The following SMG1 variants were observed in gnomAD, a reference collection of about 807,000 sequenced individuals.
SMG1 encodes serine/threonine-protein kinase SMG1.
In SMG1, 22 loss-of-function variants were observed where a neutral mutation model predicts 419.9. The ratio of observed to expected loss-of-function variants is 0.05; its 90% CI spans 0.04 to 0.07. The LOEUF (loss-of-function observed/expected upper bound fraction) is 0.07. Ranked by LOEUF, SMG1 falls within the 10% of genes least tolerant of loss-of-function variation. SMG1 has a pLI of 1.00. For missense variants in SMG1, 3,185 were observed against 4,342.0 expected, an observed-to-expected ratio of 0.73 and a Z score of 7.49; for synonymous variants, 1,538 against 1,553.5, an observed-to-expected ratio of 0.99 and a Z score of 0.23.
chr16:18,820,569 G>C (rs1318875220), intron 55 of SMG1, among the ~76,000 whole-genome samples: 1 of 152,108 alleles, frequency 6.6e-6, no homozygotes, highest in Non-Finnish European at 1.5e-5. Context: ...ATGTAACAAA[G>C]TTATTTGATT....
chr16:18,864,252 A>C, intron 23 of SMG1, 108 bp from the exon 24 acceptor site: 1 of 978,990 alleles, frequency 1.0e-6, no homozygotes, highest in Non-Finnish European at 1.4e-6. Context: ...CTGGAGTGCA[A>C]TGGCACTGTC....
intron 6 of SMG1, among the ~76,000 whole-genome samples, chr16:18,888,757 C>A (rs909870885): frequency 2.0e-5 from 3 of 151,586 alleles, no homozygotes; most frequent in African/African-American, 7.3e-5. Context: ...TATAGGCCAC[C>A]ACGCTTGGCT....
chr16:18,907,873 A>C (rs2037632824), intron 1 of SMG1, among the ~76,000 whole-genome samples: 2 of 141,582 alleles, frequency 1.4e-5, no homozygotes, highest in African/African-American at 5.2e-5. Context: ...AAAAAAAGAG[A>C]CCCTACTTCA....
Position 18,926,156 on chromosome 16 carries a change from A to AAGG in SMG1, c.-118_-116dup, listed in dbSNP as rs367683864. The AAGG allele has an allele frequency of 0.061, 40,924 of 674,538 alleles. 1,184 individuals carry two copies. The highest frequency in any genetic ancestry group is 0.15 in the African/African-American group (7,603 of 51,504). 41.8% of individuals were successfully genotyped at this position (674,538 alleles called of 1,614,324 possible). On this transcript the variant is annotated 5_prime_UTR_variant, in exon 1 of 63. Coordinates refer to ENST00000446231, the MANE Select transcript of SMG1 (RefSeq NM_015092.5). ...GCCCGGGGCTGAGGAGGAAGCCGAG[A>AAGG]AGGAGGAGGAGGAGGAGGAGGAGGA... is the stretch of plus-strand genomic sequence containing the variant.
At chr16:18,907,219 T>C (rs1352536245) in intron 1 of SMG1, among the ~76,000 whole-genome samples, 2 of 151,530 alleles carry the variant, frequency 1.3e-5, no homozygotes, top group African/African-American at 2.4e-5. Flanking sequence ...GAGGCGGAGG[T>C]TGCAGTGAGC....
Position 18,832,399 on chromosome 16 carries a change from T to C in SMG1, c.8792+541A>G, listed in dbSNP as rs868386420. Among the ~76,000 whole-genome samples, 37 of 152,286 alleles carry C rather than the reference T, an allele frequency of 2.4e-4. No homozygotes were observed. The Middle Eastern group carries it at 0.01, about 42-fold the overall frequency. Reference sequence around the variant, plus strand: ...TAAAACAAACTTACAATATTTAAACTAATTTAAAAGTATTCACCTGAAATG... The same window carrying C: ...TAAAACAAACTTACAATATTTAAACCAATTTAAAAGTATTCACCTGAAATG... On this transcript the variant is annotated intron_variant, in intron 51 of 62. Transcript: ENST00000446231.
At chr16:18,843,930 A>G (rs1307699069) in intron 39 of SMG1, among the ~76,000 whole-genome samples, 3 of 152,136 alleles carry the variant, frequency 2.0e-5, no homozygotes, top group Non-Finnish European at 2.9e-5. Context: ...CTATATCTAA[A>G]AGAGAGACAC....
In SMG1 at chr16:18,808,913, G is replaced by T. The variant is rs1265481898; in HGVS notation, c.*656C>A. 2 of 152,516 alleles carry T rather than the reference G, an allele frequency of 1.3e-5. No homozygotes were observed. The allele number at this position is 152,516 out of a possible 1,614,324, so 9.4% of individuals were successfully genotyped here. A position where few individuals can be genotyped will look rare whatever the true frequency, so the allele number is the denominator to read the frequency against. On this transcript the variant is annotated 3_prime_UTR_variant, in exon 63 of 63. Transcript: ENST00000446231. Reference sequence around the variant, plus strand: ...AAAGGGGGAACGGGTAAGTGGTGGGGAGGAGTAGGGAACGATGGGGTGGTT... The same window carrying T: ...AAAGGGGGAACGGGTAAGTGGTGGGTAGGAGTAGGGAACGATGGGGTGGTT...
At chr16:18,876,568 ACACAGAT>A (rs2036142275) in intron 12 of SMG1, among the ~76,000 whole-genome samples, 175 bp from the exon 13 acceptor site, 1 of 152,254 alleles carries the variant, frequency 6.6e-6, no homozygotes, top group Non-Finnish European at 1.5e-5. Context: ...CAGAAAACTG[ACACAGAT>A]CAGTATGCTA....
In SMG1 at chr16:18,839,839, C is replaced by T. The variant is rs998515362; in HGVS notation, c.6804G>A (p.Leu2268=). 2.5e-6 allele frequency: 4 copies of T among 1,613,810 alleles called. No individual in the cohort carries two copies. The highest frequency in any genetic ancestry group is 3.3e-5 in the Admixed American group (2 of 59,990). Residue 2268 remains leucine, a synonymous_variant, in exon 42 of 63, where the codon CTG becomes CTA. Coordinates refer to ENST00000446231, the MANE Select transcript of SMG1 (RefSeq NM_015092.5). The part of the protein sequence containing the change: ...GPALKTVGLS[L]DVSRRDWPLH... ...GAGGCCAATCCCGACGGGACACATCCAGGCTAAGCCCAACTGTTTTCAAAG... is the reference window on the plus strand; with the variant it reads ...GAGGCCAATCCCGACGGGACACATCTAGGCTAAGCCCAACTGTTTTCAAAG...
intron 9 of SMG1, among the ~76,000 whole-genome samples, 164 bp downstream of exon 9, chr16:18,883,906 G>A (rs367558179): frequency 6.3e-5 from 9 of 143,624 alleles, no homozygotes; most frequent in East Asian, 4.0e-4. Flanking sequence ...GTGACAGAGC[G>A]AGACTCCATC....
At chr16:18,870,125 TAC>T (rs1346511393) in intron 18 of SMG1, 131 bp from the exon 19 acceptor site, 1 of 614,016 alleles carries the variant, frequency 1.6e-6, no homozygotes, top group African/African-American at 1.9e-5. Context: ...TTCAAATGGA[TAC>T]AGAGATGTGA....
At chr16:18,848,659 G>T (rs2925508) in intron 36 of SMG1, among the ~76,000 whole-genome samples, 91,062 of 151,476 alleles carry the variant, frequency 0.6, 28,623 homozygotes, top group African/African-American at 0.79. Context: ...CCTGGCAGAG[G>T]TACTCCATTT....
intron 55 of SMG1, 74 bp downstream of exon 55, chr16:18,827,957 A>C (rs1199813758): frequency 3.4e-6 from 5 of 1,490,444 alleles, no homozygotes; most frequent in African/African-American, 1.4e-5. Flanking sequence ...ACTGAACAAC[A>C]GAGCACTAAC....
chr16:18,889,347 T>C (rs2036781482), intron 6 of SMG1, 25 bp downstream of exon 6: 2 of 524,992 alleles, frequency 3.8e-6, no homozygotes, highest in South Asian at 2.0e-5. Flanking sequence ...AAGTACATCA[T>C]GCATTTTTCC....
intron 18 of SMG1, among the ~76,000 whole-genome samples, 191 bp from the exon 19 acceptor site, chr16:18,870,185 T>C (rs111769038): frequency 1.3e-5 from 2 of 152,206 alleles, no homozygotes; most frequent in East Asian, 1.9e-4. Flanking sequence ...GGTAATGTGC[T>C]GACATCATAA....
chr16:18,919,697 CACAA>C (rs1215853756), intron 1 of SMG1, among the ~76,000 whole-genome samples: 2 of 136,552 alleles, frequency 1.5e-5, no homozygotes, highest in South Asian at 2.5e-4. Context: ...CACACACACA[CACAA>C]TCTCCCTAGA....
rs1286990831 is a variant in SMG1, at chr16:18,882,212, A to G, written c.1246T>C (p.Phe416Leu). ...ATTGGAGGACCCCGAATTGGGCTGA[A>G]GCGTTCCCCAATGCTCCTCACCACA... ...STVVRSIGERFSPIRGPPITE... is the reference protein window; with the variant it reads ...STVVRSIGERLSPIRGPPITE... The change falls in exon 10 of 63, where the codon TTC becomes CTC. Residue 416 changes from phenylalanine to leucine, a missense_variant. Around this residue, in one of 27 missense-constraint regions of SMG1, gnomAD observed 52 missense variants for 69.0 expected, o/e 0.75. Coordinates refer to ENST00000446231, the MANE Select transcript of SMG1 (RefSeq NM_015092.5). 4.4e-6 allele frequency: 7 copies of G among 1,601,494 alleles called. No homozygotes were observed. The highest frequency in any genetic ancestry group is 2.7e-5 in the African/African-American group (2 of 74,604).
intron 1 of SMG1, among the ~76,000 whole-genome samples, chr16:18,908,267 C>T (rs538259586): frequency 6.6e-6 from 1 of 151,400 alleles, no homozygotes; most frequent in Admixed American, 6.6e-5. Flanking sequence ...ACTCGGGAGG[C>T]TGAGGCAGGA....
Sources: allele counts gnomAD v4.1 joint callset (sites outside exome capture counted in the v4.1 genomes callset), GRCh38; gene constraint gnomAD v4.1.1; regional missense constraint gnomAD v4.1.1; transcripts MANE v1.5; gene names NCBI Gene and HGNC (gene_info 2026-07-23, HGNC 2026-07-21).